The following SAMD4A variants were observed in gnomAD, a reference collection of about 807,000 sequenced individuals.
SAMD4A encodes the protein protein Smaug homolog 1.
In SAMD4A, 33 loss-of-function variants were observed where a neutral mutation model predicts 81.3. The observed-to-expected ratio is 0.41, with a 90% CI of 0.31 to 0.54. The LOEUF (loss-of-function observed/expected upper bound fraction) is 0.54. SAMD4A is among the 20% of genes least tolerant of loss of function. The pLI is 0.37. For missense variants in SAMD4A, 854 were observed against 951.1 expected (o/e 0.90, Z 1.34); for synonymous variants, 389 against 382.1 (o/e 1.02, Z -0.21).
rs531762721 is a variant in SAMD4A at position 54,683,857 on chromosome 14, G to A, written c.197-18205G>A. On this transcript the variant is annotated intron_variant, in intron 2 of 12. Transcript: ENST00000554335. ...GAGGGGTAGATATATGAGATCATCC[G>A]TATGGGATCCCAGAAGCCAAAAGAC... 1.1e-4 allele frequency among the ~76,000 whole-genome samples: 16 copies of A among 152,276 alleles called. No homozygotes were observed. The South Asian group carries it at 1.9e-3, about 18-fold the overall frequency.
At chr14:54,591,327 A>G (rs532504741) in intron 2 of SAMD4A, among the ~76,000 whole-genome samples, 1 of 152,242 alleles carries the variant, frequency 6.6e-6, no homozygotes, top group East Asian at 1.9e-4. Context: ...GTGGTTTGCC[A>G]TTGGCATTTA....
Position 54,584,917 on chromosome 14 carries a change from A to G in SAMD4A, c.196+16805A>G, listed in dbSNP as rs371232390. On this transcript the variant is annotated intron_variant, in intron 2 of 12. Coordinates refer to ENST00000554335, the MANE Select transcript of SAMD4A (RefSeq NM_015589.6). ...AGGTAGAAGAGTTTTTAAAAAGACA[A>G]TGTTCTTAGAAGAATTATATTTCTA... Among the ~76,000 whole-genome samples the G allele has an allele frequency of 1.1e-4, 16 of 152,328 alleles. No individual in the cohort carries two copies. In the East Asian group the frequency reaches 3.1e-3, roughly 29 times the overall value.
intron 7 of SAMD4A, among the ~76,000 whole-genome samples, chr14:54,760,794 G>A (rs1034107887): frequency 2.6e-5 from 4 of 152,198 alleles, no homozygotes; most frequent in African/African-American, 9.7e-5. Context: ...GACCCTTGCA[G>A]GAGGAAGGTG....
chr14:54,712,498 T>C (rs1235535605), intron 3 of SAMD4A, among the ~76,000 whole-genome samples: 2 of 152,208 alleles, frequency 1.3e-5, no homozygotes, highest in Non-Finnish European at 1.5e-5. Flanking sequence ...GCCTTCCTAA[T>C]ACATACTACA....
At chr14:54,684,634 G>C (rs1317986008) in intron 2 of SAMD4A, among the ~76,000 whole-genome samples, 2 of 53,666 alleles carry the variant, frequency 3.7e-5, no homozygotes, top group African/African-American at 1.1e-4. Flanking sequence ...AACCAGAAAC[G>C]GGAAACCTAT....
At chr14:54,643,088 T>A (rs1205108478) in intron 2 of SAMD4A, among the ~76,000 whole-genome samples, 1 of 152,206 alleles carries the variant, frequency 6.6e-6, no homozygotes, top group Non-Finnish European at 1.5e-5. Flanking sequence ...AAGAGTTGAA[T>A]CAACAAGGCA....
At chr14:54,730,760 GTTGT>G (rs776511031) in intron 3 of SAMD4A, among the ~76,000 whole-genome samples, 1 of 151,744 alleles carries the variant, frequency 6.6e-6, no homozygotes, top group Non-Finnish European at 1.5e-5. Flanking sequence ...TATTTTTTTT[GTTGT>G]TTGTTTGCAT....
At chr14:54,640,823 C>A (rs1323133572) in intron 2 of SAMD4A, among the ~76,000 whole-genome samples, 1 of 152,128 alleles carries the variant, frequency 6.6e-6, no homozygotes, top group African/African-American at 2.4e-5. Flanking sequence ...TGGTATATCT[C>A]CACTGATTTC....
intron 6 of SAMD4A, among the ~76,000 whole-genome samples, chr14:54,756,294 A>G (rs1407624171): frequency 6.6e-6 from 1 of 152,108 alleles, no homozygotes; most frequent in Non-Finnish European, 1.5e-5. Context: ...CTCCTTAGAA[A>G]GTTGGTTGCT....
intron 6 of SAMD4A, 45 bp from the exon 7 acceptor site, chr14:54,760,116 C>G: frequency 6.3e-7 from 1 of 1,590,376 alleles, no homozygotes; most frequent in Non-Finnish European, 8.6e-7. Context: ...GTGGATGACC[C>G]TTATTCCTGA....
At chr14:54,688,547 C>T (rs987434021) in intron 2 of SAMD4A, among the ~76,000 whole-genome samples, 2 of 152,184 alleles carry the variant, frequency 1.3e-5, no homozygotes, top group African/African-American at 4.8e-5. Context: ...TCGTGGCTTC[C>T]CTGTCTATCC....
At chr14:54,574,334 T>G (rs1335134688) in intron 2 of SAMD4A, among the ~76,000 whole-genome samples, 1 of 152,192 alleles carries the variant, frequency 6.6e-6, no homozygotes, top group African/African-American at 2.4e-5. Context: ...TCTGAGAAGC[T>G]GAATGGAAGA....
intron 4 of SAMD4A, among the ~76,000 whole-genome samples, chr14:54,737,985 T>G (rs1281246821): frequency 6.6e-6 from 1 of 152,202 alleles, no homozygotes; most frequent in African/African-American, 2.4e-5. Flanking sequence ...GGAGATAGAT[T>G]TCCAAATTAC....
intron 4 of SAMD4A, among the ~76,000 whole-genome samples, chr14:54,739,648 A>G (rs2037796698): frequency 6.6e-6 from 1 of 152,216 alleles, no homozygotes; most frequent in South Asian, 2.1e-4. Flanking sequence ...AAACACTAGC[A>G]TTCCGAAGTG....
chr14:54,758,651 G>A (rs907344651), intron 6 of SAMD4A, among the ~76,000 whole-genome samples: 10 of 152,300 alleles, frequency 6.6e-5, no homozygotes, highest in Non-Finnish European at 8.8e-5. Flanking sequence ...CCAACATGGT[G>A]AAACCCCATC....
At chr14:54,569,520 G>T (rs920552326) in intron 2 of SAMD4A, among the ~76,000 whole-genome samples, 1 of 152,160 alleles carries the variant, frequency 6.6e-6, no homozygotes, top group Admixed American at 6.5e-5. Flanking sequence ...AGGACTCACT[G>T]GGGTGGCGAT....
At position 54,793,163 on chromosome 14, in the gene SAMD4A, G is replaced by A. The variant is rs1288926118; in HGVS notation, c.*4219G>A. ...CTTTGCAAGTGTACAGTTTTCAAAT[G>A]TTGTTACCAGTGAAACACCCTTGTG... is the stretch of plus-strand genomic sequence containing the variant. On this transcript the variant is annotated 3_prime_UTR_variant, in exon 13 of 13. Coordinates refer to ENST00000554335, the MANE Select transcript of SAMD4A (RefSeq NM_015589.6). 6.6e-6 allele frequency: 1 copy of A among 152,160 alleles called. No homozygotes were observed. Among genetic ancestry groups the A allele is most frequent in the Non-Finnish European group, 1.5e-5 (1 of 68,038 alleles). 9.4% of individuals were successfully genotyped at this position (152,160 alleles called of 1,614,324 possible). A position where few individuals can be genotyped will look rare whatever the true frequency, so the allele number is the denominator to read the frequency against.
chr14:54,668,144 A>G (rs920634905), intron 2 of SAMD4A, among the ~76,000 whole-genome samples: 5 of 152,106 alleles, frequency 3.3e-5, no homozygotes, highest in Non-Finnish European at 5.9e-5. Context: ...TGCTTTCCCA[A>G]AACCAGTTCT....
intron 2 of SAMD4A, among the ~76,000 whole-genome samples, chr14:54,626,040 G>T (rs996361702): frequency 7.6e-6 from 1 of 132,218 alleles, no homozygotes; most frequent in African/African-American, 3.1e-5. Context: ...GTGTGTGTGT[G>T]TGTGTGTGTG....
Sources: gnomAD v4.1 joint callset for allele counts (sites outside exome capture counted in the v4.1 genomes callset) on GRCh38, gnomAD v4.1.1 for gene constraint, MANE v1.5 for transcripts, NCBI Gene and HGNC (gene_info 2026-07-23, HGNC 2026-07-21) for gene names.